EBF3: variants seen among roughly 807,000 people sequenced by gnomAD.
The protein encoded by EBF3 is EBF transcription factor 3, also known as transcription factor COE3.
EBF3 carries 18 observed loss-of-function variants against 77.1 expected under a neutral mutation model. That is an observed-to-expected ratio of 0.23 (90% CI 0.16 to 0.35). EBF3 has a LOEUF of 0.35. EBF3 is among the 10% of genes least tolerant of loss of function. The pLI is 1.00. For synonymous variants in EBF3, 350 were observed against 343.5 expected (o/e 1.02, Z -0.21); for missense variants, 558 against 860.0 (o/e 0.65, Z 4.39).
chr10:129,866,575 C>T (rs890651934), intron 10 of EBF3, among the ~76,000 whole-genome samples: 2 of 152,200 alleles, frequency 1.3e-5, no homozygotes, highest in African/African-American at 4.8e-5. Flanking sequence ...TGTCCCGCAC[C>T]CTCAAAGAAT....
At chr10:129,898,693 ATC>A (rs1043524469) in intron 6 of EBF3, among the ~76,000 whole-genome samples, 44 of 152,318 alleles carry the variant, frequency 2.9e-4, no homozygotes, top group Admixed American at 2.7e-3. Context: ...CAGTTTATTT[ATC>A]TCTGTCTTTA....
In EBF3 at chr10:129,902,783, G is replaced by C. The variant is rs144254992; in HGVS notation, c.555-24934C>G. Among the ~76,000 whole-genome samples, 18 of 152,276 alleles carry C rather than the reference G, an allele frequency of 1.2e-4. No homozygotes were observed. The East Asian group carries it at 2.9e-3, about 25-fold the overall frequency. ...TCAGTAATGCATTAAAACAAAACAA[G>C]ACACACAGGATTTCAGTACAGCAAG... On this transcript the variant is annotated intron_variant, in intron 6 of 16. Coordinates refer to ENST00000440978, the MANE Select transcript of EBF3 (RefSeq NM_001375380.1).
chr10:129,866,857 G>A (rs1174495756), intron 10 of EBF3, among the ~76,000 whole-genome samples: 1 of 152,170 alleles, frequency 6.6e-6, no homozygotes, highest in Non-Finnish European at 1.5e-5. Context: ...TGTTCCTAAT[G>A]ACTCCCCCTG....
intron 6 of EBF3, among the ~76,000 whole-genome samples, chr10:129,945,591 C>CT (rs1403279842): frequency 1.3e-5 from 2 of 152,212 alleles, no homozygotes; most frequent in Non-Finnish European, 1.5e-5. Context: ...TGGCTGTGAA[C>CT]TAGCAGAAGC....
Position 129,837,322 on chromosome 10 carries a change from C to G in EBF3, c.*621G>C, listed in dbSNP as rs1280810186. The G allele has an allele frequency of 6.6e-6, 1 of 152,624 alleles. No homozygotes were observed. The highest frequency in any genetic ancestry group is 1.5e-5 in the Non-Finnish European group (1 of 68,066). The allele number at this position is 152,624 out of a possible 1,614,324, so 9.5% of individuals were successfully genotyped here. On this transcript the variant is annotated 3_prime_UTR_variant, in exon 17 of 17. Transcript: ENST00000440978. ...TACAATTTCTAACTACAATAAGTTA[C>G]AAAGTTTCATTTCATGAAGATGAAG...
At position 129,864,289 on chromosome 10, in the gene EBF3, G is replaced by T. The variant is rs982665452; in HGVS notation, c.1039+2852C>A. ...GCCCGGCCATGCTGGGAATTGGGGG[G>T]ACGCTGACATCACAGGCTCCGCCAC... is the stretch of plus-strand genomic sequence containing the variant. On this transcript the variant is annotated intron_variant, in intron 10 of 16. Coordinates refer to ENST00000440978, the MANE Select transcript of EBF3 (RefSeq NM_001375380.1). The surrounding 1 kb of genome is among the most constrained non-coding windows in gnomAD (Gnocchi z 4.4). Among the ~76,000 whole-genome samples, 1 of 152,134 alleles carries T rather than the reference G, an allele frequency of 6.6e-6. No individual in the cohort carries two copies. The highest frequency in any genetic ancestry group is 2.4e-5 in the African/African-American group (1 of 41,446).
intron 6 of EBF3, among the ~76,000 whole-genome samples, chr10:129,956,347 C>T (rs769004331): frequency 2.1e-4 from 32 of 152,226 alleles, no homozygotes; most frequent in Admixed American, 6.5e-4. Flanking sequence ...CATATGTACA[C>T]GTCTAACATT....
At chr10:129,959,404 G>T (rs554462757) in intron 4 of EBF3, among the ~76,000 whole-genome samples, 1 of 152,130 alleles carries the variant, frequency 6.6e-6, no homozygotes, top group Non-Finnish European at 1.5e-5. Context: ...CCGCCGCCAG[G>T]CCGCGTCCTC....
At chr10:129,914,576 C>T (rs1431910517) in intron 6 of EBF3, among the ~76,000 whole-genome samples, 1 of 152,168 alleles carries the variant, frequency 6.6e-6, no homozygotes, top group Non-Finnish European at 1.5e-5. Flanking sequence ...GGGCTGGTTC[C>T]TCCTCTGAGG....
chr10:129,837,615 A>G lies in EBF3; in HGVS notation c.*328T>C, dbSNP rs941918423. 10 of 326,548 alleles carry G rather than the reference A, an allele frequency of 3.1e-5. No homozygotes were observed. The highest frequency in any genetic ancestry group is 9.1e-5 in the South Asian group (2 of 21,916). The allele number at this position is 326,548 out of a possible 1,614,324, so 20.2% of individuals were successfully genotyped here. A position where few individuals can be genotyped will look rare whatever the true frequency, so the allele number is the denominator to read the frequency against. On this transcript the variant is annotated 3_prime_UTR_variant, in exon 17 of 17. Transcript: ENST00000440978. ...TCCCAACACATAGCAATTACTAGAC[A>G]TGGCCAAGACGGAGTCGGAAACTTT... is the stretch of plus-strand genomic sequence containing the variant.
intron 6 of EBF3, among the ~76,000 whole-genome samples, chr10:129,891,151 G>A (rs1853993689): frequency 1.3e-5 from 2 of 152,122 alleles, no homozygotes; most frequent in African/African-American, 2.4e-5. Context: ...ATACTAATAT[G>A]CTTCATGAAC....
At chr10:129,925,082 ACGCG>A (rs1285280183) in intron 6 of EBF3, among the ~76,000 whole-genome samples, 5 of 62,604 alleles carry the variant, frequency 8.0e-5, no homozygotes, top group Admixed American at 1.9e-4. Flanking sequence ...GTGTGTGTGC[ACGCG>A]TGTGTGTGTG....
At chr10:129,957,376 T>A in intron 5 of EBF3, 50 bp from the exon 6 acceptor site, 3 of 1,455,132 alleles carry the variant, frequency 2.1e-6, no homozygotes, top group Non-Finnish European at 2.8e-6. Flanking sequence ...CCCCCTTTTA[T>A]GCCCGACTTG....
chr10:129,963,539 G>A lies in EBF3; in HGVS notation c.135-16C>T, dbSNP rs774756173. 109 of 1,502,802 alleles carry A rather than the reference G, an allele frequency of 7.3e-5. No homozygotes were observed. Among genetic ancestry groups the A allele is most frequent in the Non-Finnish European group, 9.4e-5 (105 of 1,121,158 alleles). 93.1% of individuals were successfully genotyped at this position (1,502,802 alleles called of 1,614,324 possible). A position where few individuals can be genotyped will look rare whatever the true frequency, so the allele number is the denominator to read the frequency against. On this transcript the variant is annotated splice_polypyrimidine_tract_variant and intron_variant, in intron 1 of 16. Coordinates refer to ENST00000440978, the MANE Select transcript of EBF3 (RefSeq NM_001375380.1). This position sits in a 1 kb window ranked among gnomAD's most constrained non-coding sequence, Gnocchi z 7.1. ...CCCCACGCCGCTGCGGGAGGAAAGA[G>A]ACAGCGGCCCGGTGAGGAGCGCGGC...
At chr10:129,912,254 C>T (rs966924237) in intron 6 of EBF3, among the ~76,000 whole-genome samples, 1 of 152,160 alleles carries the variant, frequency 6.6e-6, no homozygotes, top group Non-Finnish European at 1.5e-5. Flanking sequence ...AAGGGCCCTG[C>T]GGCTCCTCTC....
At chr10:129,888,193 G>C (rs1051136172) in intron 6 of EBF3, among the ~76,000 whole-genome samples, 26 of 152,186 alleles carry the variant, frequency 1.7e-4, no homozygotes, top group African/African-American at 6.0e-4. Context: ...TTTCCTGTCG[G>C]GGAGCAGCAC....
rs762587221 is a variant in EBF3, at chr10:129,843,222, G to A, written c.1129-20C>T. The A allele has an allele frequency of 1.9e-6, 3 of 1,603,410 alleles. No homozygotes were observed. The highest frequency in any genetic ancestry group is 2.6e-6 in the Non-Finnish European group (3 of 1,174,932). The stretch of plus-strand genomic sequence containing the variant: ...CACCTCCTAAAGGAAGAGCAGACAG[G>A]AGGTGATTCATGGGAGGAACCGGCC... On this transcript the variant is annotated intron_variant, in intron 11 of 16. Transcript: ENST00000440978.
chr10:129,946,419 A>G lies in EBF3; in HGVS notation c.554+10839T>C, dbSNP rs145769459. 1.5e-3 allele frequency among the ~76,000 whole-genome samples: 226 copies of G among 152,388 alleles called. 1 individual carries two copies. Among genetic ancestry groups the G allele is most frequent in the Non-Finnish European group, 1.6e-3 (106 of 68,038 alleles). On this transcript the variant is annotated intron_variant, in intron 6 of 16. Coordinates refer to ENST00000440978, the MANE Select transcript of EBF3 (RefSeq NM_001375380.1). ...ATGAGCGGCAGTTACTTGTCATGAC[A>G]AATGTCCCGAACCCGGTAAATATGC...
chr10:129,934,994 C>G (rs932727102), intron 6 of EBF3, among the ~76,000 whole-genome samples: 1 of 152,126 alleles, frequency 6.6e-6, no homozygotes, highest in East Asian at 1.9e-4. Context: ...CTACTGTGTA[C>G]CTGGTGGTGA....
Sources: allele counts gnomAD v4.1 joint callset (sites outside exome capture counted in the v4.1 genomes callset), GRCh38; gene constraint gnomAD v4.1.1; non-coding constraint Gnocchi (gnomAD v3.1); transcripts MANE v1.5; gene names NCBI Gene and HGNC (gene_info 2026-07-23, HGNC 2026-07-21).